The following NRXN1 variants were observed in gnomAD, a reference collection of about 807,000 sequenced individuals.
NRXN1 encodes the protein neurexin 1, also known as neurexin-1.
NRXN1 carries 39 observed loss-of-function variants against 150.9 expected under a neutral mutation model. The observed-to-expected ratio is 0.26, with a 90% CI of 0.20 to 0.34. The LOEUF is 0.34. Ranked by LOEUF, NRXN1 falls within the 10% of genes least tolerant of loss-of-function variation. NRXN1 has a pLI of 1.00. For synonymous variants in NRXN1, 924 were observed against 757.0 expected, an observed-to-expected ratio of 1.22 and a Z score of -3.62; for missense variants, 1,815 against 1,949.9, an observed-to-expected ratio of 0.93 and a Z score of 1.30.
At chr2:51,019,935 T>G (rs1332923347) in intron 2 of NRXN1, among the ~76,000 whole-genome samples, 1 of 152,020 alleles carries the variant, frequency 6.6e-6, no homozygotes, top group African/African-American at 2.4e-5. Context: ...TTACAAATAT[T>G]TGACTTTTAT....
At chr2:50,963,167 C>A (rs1693481436) in intron 2 of NRXN1, among the ~76,000 whole-genome samples, 1 of 151,608 alleles carries the variant, frequency 6.6e-6, no homozygotes, top group Admixed American at 6.6e-5. Context: ...GGAATTGCCT[C>A]ATTAATCTGC....
At chr2:50,196,643 A>G (rs2061785916) in intron 18 of NRXN1, among the ~76,000 whole-genome samples, 1 of 152,198 alleles carries the variant, frequency 6.6e-6, no homozygotes, top group African/African-American at 2.4e-5. Context: ...TAGATAACAT[A>G]TATCTATATT....
At position 50,540,790 on chromosome 2, in the gene NRXN1, T is replaced by G. The variant is rs558261372; in HGVS notation, c.1760-2154A>C. Among the ~76,000 whole-genome samples, 14 of 152,226 alleles carry G rather than the reference T, an allele frequency of 9.2e-5. No individual in the cohort carries two copies. In the East Asian group the frequency reaches 2.5e-3, roughly 27 times the overall value. ...AACTCTCATGCCGCAGCCTCCCAAG[T>G]AGCTGGGATTACAGGTGTACGCCAT... is the stretch of plus-strand genomic sequence containing the variant. On this transcript the variant is annotated intron_variant, in intron 9 of 22. Transcript: ENST00000401669.
At chr2:50,843,047 C>G (rs1335713938) in intron 5 of NRXN1, among the ~76,000 whole-genome samples, 3 of 152,090 alleles carry the variant, frequency 2.0e-5, no homozygotes, top group Non-Finnish European at 2.9e-5. Flanking sequence ...GTGTATAGTA[C>G]TCATTATCGC....
chr2:50,217,240 T>G (rs1392058519), intron 18 of NRXN1, among the ~76,000 whole-genome samples: 1 of 152,060 alleles, frequency 6.6e-6, no homozygotes, highest in African/African-American at 2.4e-5. Context: ...TAATAAAATT[T>G]GCTATTATTA....
chr2:50,203,965 A>C (rs917251190), intron 18 of NRXN1, among the ~76,000 whole-genome samples: 10 of 152,174 alleles, frequency 6.6e-5, no homozygotes, highest in Admixed American at 6.5e-4. Context: ...AGAAAAATTT[A>C]ACGCCAATAC....
intron 21 of NRXN1, among the ~76,000 whole-genome samples, chr2:50,022,257 C>A (rs913412025): frequency 1.1e-4 from 16 of 152,262 alleles, no homozygotes; most frequent in African/African-American, 3.9e-4. Context: ...GCTGGGATTA[C>A]AGGCATGAGC....
intron 5 of NRXN1, among the ~76,000 whole-genome samples, chr2:50,732,003 G>A (rs990928716): frequency 1.3e-5 from 2 of 152,186 alleles, no homozygotes; most frequent in African/African-American, 4.8e-5. Flanking sequence ...AGTTAGGTGT[G>A]ACCTTTAAGT....
chr2:50,287,053 C>T (rs1430626940), intron 17 of NRXN1, among the ~76,000 whole-genome samples: 1 of 152,010 alleles, frequency 6.6e-6, no homozygotes, highest in Non-Finnish European at 1.5e-5. Flanking sequence ...ACATCATGAT[C>T]ATCAATAAGT....
In NRXN1 at chr2:50,688,324, T is replaced by C. The variant is rs1361000767; in HGVS notation, c.833-64709A>G. Reference sequence around the variant, plus strand: ...CACCTGTTGTTAAAACATAGGCTCATGTATTCACTTGCTTTTATTCGAATG... The same window carrying C: ...CACCTGTTGTTAAAACATAGGCTCACGTATTCACTTGCTTTTATTCGAATG... On this transcript the variant is annotated intron_variant, in intron 5 of 22. Transcript: ENST00000401669. Among the ~76,000 whole-genome samples the C allele has an allele frequency of 4.6e-5, 7 of 152,198 alleles. No individual in the cohort carries two copies. The East Asian group carries it at 1.4e-3, about 29-fold the overall frequency.
intron 17 of NRXN1, among the ~76,000 whole-genome samples, chr2:50,438,046 C>A (rs1010745900): frequency 6.6e-6 from 1 of 152,152 alleles, no homozygotes; most frequent in Non-Finnish European, 1.5e-5. Flanking sequence ...GCCAGAAACA[C>A]CAAAAATAAA....
At chr2:50,943,901 C>T (rs1465369037) in intron 2 of NRXN1, among the ~76,000 whole-genome samples, 1 of 152,140 alleles carries the variant, frequency 6.6e-6, no homozygotes, top group East Asian at 1.9e-4. Context: ...CTCCTTACAA[C>T]ATTTACTTAA....
At chr2:50,756,485 C>T (rs1288743889) in intron 5 of NRXN1, among the ~76,000 whole-genome samples, 1 of 151,710 alleles carries the variant, frequency 6.6e-6, no homozygotes, top group Non-Finnish European at 1.5e-5. Flanking sequence ...TTAAGAGATG[C>T]TTATCAAGAA....
chr2:50,544,520 T>A (rs1256616883), intron 9 of NRXN1, among the ~76,000 whole-genome samples: 2 of 152,130 alleles, frequency 1.3e-5, no homozygotes, highest in East Asian at 3.9e-4. Context: ...ACTTGATTCA[T>A]CTGTGAGCTG....
intron 17 of NRXN1, among the ~76,000 whole-genome samples, chr2:50,411,227 C>T (rs1011220878): frequency 3.3e-5 from 5 of 152,116 alleles, no homozygotes; most frequent in Admixed American, 2.0e-4. Context: ...GGGGTTTCGC[C>T]GTGTTGGCCG....
In NRXN1 at chr2:50,347,304, C is replaced by A; in HGVS notation, c.3365-110334G>T. On this transcript the variant is annotated intron_variant, in intron 17 of 22. Coordinates refer to ENST00000401669, the MANE Select transcript of NRXN1 (RefSeq NM_001330078.2). The surrounding 1 kb of genome is among the most constrained non-coding windows in gnomAD (Gnocchi z 4.9). ...AAGAGTTTCGGGCGAGAGTGCGTGC[C>A]GGCGGGTGGGGGGCCGAGAAATTGT... 3 of 1,271,736 alleles carry A rather than the reference C, an allele frequency of 2.4e-6. No individual in the cohort carries two copies. The highest frequency in any genetic ancestry group is 5.9e-5 in the East Asian group (1 of 16,900). 78.8% of individuals were successfully genotyped at this position (1,271,736 alleles called of 1,614,324 possible).
intron 17 of NRXN1, among the ~76,000 whole-genome samples, chr2:50,411,438 C>T (rs976025123): frequency 2.6e-5 from 4 of 152,064 alleles, no homozygotes; most frequent in East Asian, 1.9e-4. Flanking sequence ...AGCCTCTGCC[C>T]GGCCACCACC....
chr2:49,964,691 A>C (rs1676635754), intron 21 of NRXN1, among the ~76,000 whole-genome samples: 1 of 151,772 alleles, frequency 6.6e-6, no homozygotes, highest in Non-Finnish European at 1.5e-5. Context: ...AATACGAAAA[A>C]TTAGCTGGAC....
intron 18 of NRXN1, among the ~76,000 whole-genome samples, chr2:50,178,188 C>T (rs2060469146): frequency 6.6e-6 from 1 of 152,014 alleles, no homozygotes; most frequent in African/African-American, 2.4e-5. Context: ...TCGATATGAG[C>T]TGCAATTCTG....
Sources: gnomAD v4.1 joint callset for allele counts (sites outside exome capture counted in the v4.1 genomes callset) on GRCh38, gnomAD v4.1.1 for gene constraint, Gnocchi (gnomAD v3.1) non-coding constraint, MANE v1.5 for transcripts, NCBI Gene and HGNC (gene_info 2026-07-23, HGNC 2026-07-21) for gene names.